The following RPRD1B variants were observed in gnomAD, a reference collection of about 807,000 sequenced individuals.
The protein encoded by RPRD1B is regulation of nuclear pre-mRNA domain containing 1B, also known as regulation of nuclear pre-mRNA domain-containing protein 1B.
In RPRD1B, 11 loss-of-function variants were observed where a neutral mutation model predicts 41.5. The observed-to-expected ratio is 0.27, with a 90% CI of 0.17 to 0.44. The LOEUF (loss-of-function observed/expected upper bound fraction) is 0.44. RPRD1B is among the 20% of genes least tolerant of loss of function. The pLI is 1.00. For missense variants in RPRD1B, 248 were observed against 389.9 expected (o/e 0.64, Z 3.06); for synonymous variants, 158 against 155.6 (o/e 1.02, Z -0.12).
At chr20:38,040,285 C>A (rs1484382690) in intron 1 of RPRD1B, 150 bp from the exon 2 acceptor site, 3 of 458,900 alleles carry the variant, frequency 6.5e-6, no homozygotes, top group Non-Finnish European at 1.1e-5. Context: ...CAAACCTATT[C>A]CTTAGGTGGT....
chr20:38,043,095 C>G (rs2074083806), intron 2 of RPRD1B, among the ~76,000 whole-genome samples: 1 of 152,042 alleles, frequency 6.6e-6, no homozygotes, highest in Non-Finnish European at 1.5e-5. Flanking sequence ...ACAAGGCAGG[C>G]AAAGACAATT....
intron 1 of RPRD1B, among the ~76,000 whole-genome samples, chr20:38,037,706 C>T (rs1661121682): frequency 6.6e-6 from 1 of 152,136 alleles, no homozygotes; most frequent in African/African-American, 2.4e-5. Context: ...AATAAATCCC[C>T]ATTGTTAAGT....
Position 38,091,606 on chromosome 20 carries a change from T to C in RPRD1B, c.*1731T>C. The C allele has an allele frequency of 1.0e-5, 10 of 985,602 alleles. No individual in the cohort carries two copies. Among genetic ancestry groups the C allele is most frequent in the Non-Finnish European group, 1.2e-5 (10 of 830,068 alleles). 61.1% of individuals were successfully genotyped at this position (985,602 alleles called of 1,614,324 possible). A position where few individuals can be genotyped will look rare whatever the true frequency, so the allele number is the denominator to read the frequency against. ...AAAATTGCAAGATAAATTGTAATCTTTGCTGCTGCTGCACTCCCCAACCTC... is the reference window on the plus strand; with the variant it reads ...AAAATTGCAAGATAAATTGTAATCTCTGCTGCTGCTGCACTCCCCAACCTC... On this transcript the variant is annotated 3_prime_UTR_variant, in exon 7 of 7. Transcript: ENST00000373433.
intron 6 of RPRD1B, among the ~76,000 whole-genome samples, chr20:38,084,325 G>A (rs531021636): frequency 4.4e-4 from 67 of 152,242 alleles, no homozygotes; most frequent in African/African-American, 1.5e-3. Flanking sequence ...GGGGGTAGCC[G>A]AGCAGTGGGT....
intron 5 of RPRD1B, among the ~76,000 whole-genome samples, 165 bp downstream of exon 5, chr20:38,059,685 A>T (rs1050245622): frequency 6.6e-6 from 1 of 152,220 alleles, no homozygotes; most frequent in Non-Finnish European, 1.5e-5. Flanking sequence ...GTGAACAAAG[A>T]AACTTTTGAA....
At chr20:38,084,882 C>T (rs1458174024) in intron 6 of RPRD1B, among the ~76,000 whole-genome samples, 1 of 152,204 alleles carries the variant, frequency 6.6e-6, no homozygotes, top group African/African-American at 2.4e-5. Context: ...CAGGCAGTTT[C>T]TCGAAGGTGC....
intron 3 of RPRD1B, among the ~76,000 whole-genome samples, chr20:38,055,850 T>C (rs2074235021): frequency 6.6e-6 from 1 of 152,138 alleles, no homozygotes; most frequent in African/African-American, 2.4e-5. Context: ...TCAAGAATGA[T>C]GTGATTGGTC....
rs149286663 is a variant in RPRD1B at position 38,070,856 on chromosome 20, C to T, written c.831+4600C>T. The T allele has an allele frequency of 2.7e-4, 113 of 425,582 alleles. 1 individual carries two copies. In the East Asian group the frequency reaches 0.014, roughly 53 times the overall value. 26.4% of individuals were successfully genotyped at this position (425,582 alleles called of 1,614,324 possible). A position where few individuals can be genotyped will look rare whatever the true frequency, so the allele number is the denominator to read the frequency against. On this transcript the variant is annotated intron_variant, in intron 6 of 6. Transcript: ENST00000373433. ...AAGCGATTCTCGTGCCTCAGCCTCCCGAGTAGCTGGGACTACAGGCGCATG... is the reference window on the plus strand; with the variant it reads ...AAGCGATTCTCGTGCCTCAGCCTCCTGAGTAGCTGGGACTACAGGCGCATG...
intron 5 of RPRD1B, among the ~76,000 whole-genome samples, chr20:38,061,212 A>G (rs771597348): frequency 1.3e-5 from 2 of 152,244 alleles, no homozygotes; most frequent in Non-Finnish European, 2.9e-5. Flanking sequence ...TCATGTTGTT[A>G]TACAACCAGT....
chr20:38,088,869 G>A (rs1331752933), intron 6 of RPRD1B, among the ~76,000 whole-genome samples: 1 of 152,182 alleles, frequency 6.6e-6, no homozygotes, highest in Non-Finnish European at 1.5e-5. Flanking sequence ...TCCTAGAGAG[G>A]TGGAGTCCAG....
At chr20:38,054,310 AGTAGGTCCTCCAAATGGAAATAGG>A (rs2074218612) in intron 3 of RPRD1B, among the ~76,000 whole-genome samples, 1 of 152,220 alleles carries the variant, frequency 6.6e-6, no homozygotes, top group Admixed American at 6.5e-5. Flanking sequence ...TTGTAGCACC[AGTAGGTCCTCCAAATGGAAATAGG>A]AGGAAACTGG....
rs939311365 is a variant in RPRD1B, at chr20:38,033,897, G to A, written c.-51G>A. The stretch of plus-strand genomic sequence containing the variant: ...CCGGCCTCGTGCCGTCGCTCTTCCC[G>A]CCGCACTGGGCGGCCCAGGCCGCTC... On this transcript the variant is annotated 5_prime_UTR_variant, in exon 1 of 7. Coordinates refer to ENST00000373433, the MANE Select transcript of RPRD1B (RefSeq NM_021215.4). 24 of 1,522,184 alleles carry A rather than the reference G, an allele frequency of 1.6e-5. No homozygotes were observed. The highest frequency in any genetic ancestry group is 1.9e-5 in the Non-Finnish European group (22 of 1,134,700). 94.3% of individuals were successfully genotyped at this position (1,522,184 alleles called of 1,614,324 possible). A position where few individuals can be genotyped will look rare whatever the true frequency, so the allele number is the denominator to read the frequency against.
chr20:38,075,786 A>T (rs1183095961), intron 6 of RPRD1B, among the ~76,000 whole-genome samples: 1 of 152,252 alleles, frequency 6.6e-6, no homozygotes, highest in African/African-American at 2.4e-5. Context: ...ACCTTTGCAG[A>T]TGAAAGCCAT....
chr20:38,083,819 G>T (rs988505001), intron 6 of RPRD1B: 1 of 152,092 alleles, frequency 6.6e-6, no homozygotes, highest in Non-Finnish European at 1.5e-5. Flanking sequence ...CTTACCCAGT[G>T]TCTTACTCAG....
intron 2 of RPRD1B, among the ~76,000 whole-genome samples, chr20:38,041,693 C>T (rs965185151): frequency 5.9e-5 from 9 of 152,172 alleles, no homozygotes; most frequent in Admixed American, 5.2e-4. Context: ...GATGGTAGCT[C>T]TGCCTCAGAC....
At chr20:38,044,081 C>T (rs1366517538) in intron 2 of RPRD1B, among the ~76,000 whole-genome samples, 1 of 152,180 alleles carries the variant, frequency 6.6e-6, no homozygotes, top group Non-Finnish European at 1.5e-5. Flanking sequence ...TAGTCATAGT[C>T]ATGGCAGTGA....
In RPRD1B at chr20:38,091,539, GTC is replaced by G. The variant is rs1273873427; in HGVS notation, c.*1666_*1667del. ...CGTTCTGTCACTGTTAAATTAATGA[GTC>G]TATAAGGTTTTTCTTCCAGAGGCCA... On this transcript the variant is annotated 3_prime_UTR_variant, in exon 7 of 7. Coordinates refer to ENST00000373433, the MANE Select transcript of RPRD1B (RefSeq NM_021215.4). The G allele has an allele frequency of 8.1e-6, 8 of 985,342 alleles. No individual in the cohort carries two copies. Among genetic ancestry groups the G allele is most frequent in the South Asian group, 4.7e-5 (1 of 21,276 alleles). The allele number at this position is 985,342 out of a possible 1,614,324, so 61.0% of individuals were successfully genotyped here.
intron 2 of RPRD1B, among the ~76,000 whole-genome samples, chr20:38,041,631 TAGAC>T (rs2122695128): frequency 6.6e-6 from 1 of 152,328 alleles, no homozygotes; most frequent in Non-Finnish European, 1.5e-5. Flanking sequence ...CTATCTGAAA[TAGAC>T]AGATTTTCTT....
chr20:38,065,052 C>T (rs1043103459), intron 5 of RPRD1B, among the ~76,000 whole-genome samples: 3 of 151,218 alleles, frequency 2.0e-5, no homozygotes, highest in East Asian at 3.9e-4. Flanking sequence ...TTTTATGAAA[C>T]GCTGCTTTCA....
Sources: gnomAD v4.1 joint callset for allele counts (sites outside exome capture counted in the v4.1 genomes callset) on GRCh38, gnomAD v4.1.1 for gene constraint, MANE v1.5 for transcripts, NCBI Gene and HGNC (gene_info 2026-07-23, HGNC 2026-07-21) for gene names.